The following CENPO variants were observed in gnomAD, a reference collection of about 807,000 sequenced individuals.
CENPO encodes the protein centromeric protein O.
A neutral mutation model predicts 36.1 loss-of-function variants in CENPO; 30 were observed. The observed-to-expected ratio is 0.83, with a 90% CI of 0.62 to 1.13. The LOEUF (loss-of-function observed/expected upper bound fraction) is 1.13. Among genes scored for constraint, CENPO ranks in the 50% most tolerant of loss-of-function variants. CENPO has a pLI of 0.00. For synonymous variants in CENPO, 171 were observed against 142.3 expected, an observed-to-expected ratio of 1.20 and a Z score of -1.44; for missense variants, 349 against 357.8, an observed-to-expected ratio of 0.98 and a Z score of 0.20.
intron 2 of CENPO, among the ~76,000 whole-genome samples, chr2:24,796,963 GAGAGATCC>G (rs1665935831): frequency 6.6e-6 from 1 of 152,202 alleles, no homozygotes. Flanking sequence ...ATGAGGGTAA[GAGAGATCC>G]AGAGGCCAGT....
Position 24,820,319 on chromosome 2 carries a change from C to T in CENPO, c.*1001C>T, listed in dbSNP as rs1054228242. 1 of 1,304,728 alleles carries T rather than the reference C, an allele frequency of 7.7e-7. No individual in the cohort carries two copies. The highest frequency in any genetic ancestry group is 3.0e-5 in the East Asian group (1 of 33,564). 80.8% of individuals were successfully genotyped at this position (1,304,728 alleles called of 1,614,324 possible). On this transcript the variant is annotated 3_prime_UTR_variant, in exon 8 of 8. Transcript: ENST00000380834. The stretch of plus-strand genomic sequence containing the variant: ...GAACCCTGGAGTGACTGGCTGGGGG[C>T]CTCCTCTCATCCAGAGACTTCTCTC...
intron 3 of CENPO, among the ~76,000 whole-genome samples, chr2:24,802,435 G>T (rs1378421680): frequency 2.6e-5 from 4 of 152,116 alleles, no homozygotes; most frequent in Admixed American, 2.6e-4. Context: ...TCCAGTTTTT[G>T]CCCATTCAGT....
At chr2:24,813,334 C>G (rs1005482954) in intron 3 of CENPO, among the ~76,000 whole-genome samples, 1 of 152,140 alleles carries the variant, frequency 6.6e-6, no homozygotes, top group Admixed American at 6.5e-5. Context: ...GCAAGTAGAT[C>G]GTGTATGGGC....
At chr2:24,817,391 T>G (rs1299093882) in intron 6 of CENPO, among the ~76,000 whole-genome samples, 1 of 150,680 alleles carries the variant, frequency 6.6e-6, no homozygotes, top group Non-Finnish European at 1.5e-5. Context: ...GGTCTTTGAT[T>G]TCTCTGCGCA....
At position 24,793,743 on chromosome 2, in the gene CENPO, A is replaced by T. The variant is rs961834838; in HGVS notation, c.-68-109A>T. Reference sequence around the variant, plus strand: ...CAGGAAAGGGGATCCTAGCCGTGACATTTGTGTCATCCGCGGCCCAGGGGT... The same window carrying T: ...CAGGAAAGGGGATCCTAGCCGTGACTTTTGTGTCATCCGCGGCCCAGGGGT... On this transcript the variant is annotated intron_variant, in intron 1 of 7. Transcript: ENST00000380834. The T allele has an allele frequency of 5.0e-6, 5 of 1,002,850 alleles. No homozygotes were observed. The African/African-American group carries it at 7.9e-5, about 16-fold the overall frequency. The allele number at this position is 1,002,850 out of a possible 1,614,324, so 62.1% of individuals were successfully genotyped here. A position where few individuals can be genotyped will look rare whatever the true frequency, so the allele number is the denominator to read the frequency against.
chr2:24,799,710 G>A lies in CENPO; in HGVS notation c.82G>A (p.Val28Met), dbSNP rs574176915. Residue 28 changes from valine to methionine, a missense_variant, in exon 3 of 8, where the codon GTG becomes ATG. Coordinates refer to ENST00000380834, the MANE Select transcript of CENPO (RefSeq NM_001322101.2). Reference sequence around the variant, plus strand: ...TCACTTGGAAAGGCTAGAGACCCAAGTGAGCAGATCCCGTAAACAGTCTGA... The same window carrying A: ...TCACTTGGAAAGGCTAGAGACCCAAATGAGCAGATCCCGTAAACAGTCTGA... The part of the protein sequence containing the change: ...LAHLERLETQ[V>M]SRSRKQSEEL... The A allele has an allele frequency of 2.5e-6, 4 of 1,614,022 alleles. No individual in the cohort carries two copies. The highest frequency in any genetic ancestry group is 3.3e-5 in the Admixed American group (2 of 60,012).
rs768401168 is a variant in CENPO at position 24,816,784 on chromosome 2, A to G, written c.733A>G (p.Thr245Ala). 2.5e-6 allele frequency: 4 copies of G among 1,602,278 alleles called. No individual in the cohort carries two copies. The highest frequency in any genetic ancestry group is 1.3e-5 in the African/African-American group (1 of 74,116). Residue 245 changes from threonine to alanine, a missense_variant, in exon 6 of 8, where the codon ACT (threonine) becomes GCT (alanine). Thr to Ala is a moderately conservative substitution (Grantham distance 58, BLOSUM62 0). Coordinates refer to ENST00000380834, the MANE Select transcript of CENPO (RefSeq NM_001322101.2). ...ARLLYKDLTATLPTDVTVTCQ... is the reference protein window; with the variant it reads ...ARLLYKDLTAALPTDVTVTCQ... ...ATTGCTGTATAAGGACCTCACAGCA[A>G]CTCTTCCCACTGACGTCACCGTGAC... is the stretch of plus-strand genomic sequence containing the variant.
intron 3 of CENPO, among the ~76,000 whole-genome samples, chr2:24,800,618 T>A (rs1298922863): frequency 6.6e-6 from 1 of 152,060 alleles, no homozygotes; most frequent in Non-Finnish European, 1.5e-5. Context: ...AGAATGATGG[T>A]TTCCAGCTTC....
rs1558387162 is a variant in CENPO, at chr2:24,819,566, G to A, written c.*248G>A. 2 of 169,540 alleles carry A rather than the reference G, an allele frequency of 1.2e-5. No homozygotes were observed. Among genetic ancestry groups the A allele is most frequent in the East Asian group, 3.3e-4 (2 of 6,088 alleles). 10.5% of individuals were successfully genotyped at this position (169,540 alleles called of 1,614,324 possible). ...GCCCTGTCTGAAGTGGAGCTTCCCC[G>A]CCTGTGCTCCCTCCACAGTCCCGGA... is the stretch of plus-strand genomic sequence containing the variant. On this transcript the variant is annotated 3_prime_UTR_variant, in exon 8 of 8. Transcript: ENST00000380834.
chr2:24,799,639 C>G, intron 2 of CENPO, 36 bp from the exon 3 acceptor site: 1 of 1,543,368 alleles, frequency 6.5e-7, no homozygotes, highest in Non-Finnish European at 8.8e-7. Flanking sequence ...GAGAAATCCT[C>G]AGCTTCTTGT....
chr2:24,799,737 G>A lies in CENPO; in HGVS notation c.109G>A (p.Glu37Lys), dbSNP rs1666078713. ...GAGCAGATCCCGTAAACAGTCTGAA[G>A]AGCTGCAGAGCGTGCAGGCCCAGGA... is the stretch of plus-strand genomic sequence containing the variant. The part of the protein sequence containing the change: ...QVSRSRKQSE[E>K]LQSVQAQEGA... The change falls in exon 3 of 8, where the codon GAG becomes AAG. Residue 37 changes from glutamate to lysine, a missense_variant. Coordinates refer to ENST00000380834, the MANE Select transcript of CENPO (RefSeq NM_001322101.2). 2 of 1,614,112 alleles carry A rather than the reference G, an allele frequency of 1.2e-6. No homozygotes were observed. Among genetic ancestry groups the A allele is most frequent in the Admixed American group, 1.7e-5 (1 of 60,024 alleles).
chr2:24,820,061 C>A lies in CENPO; in HGVS notation c.*743C>A. 1.3e-6 allele frequency: 2 copies of A among 1,594,104 alleles called. No homozygotes were observed. The highest frequency in any genetic ancestry group is 1.7e-6 in the Non-Finnish European group (2 of 1,170,590). ...TCCCCTTCACAAAGATGGGGCCTCGCCTCACAAAGCGGAAGCCGTACTCTC... is the reference window on the plus strand; with the variant it reads ...TCCCCTTCACAAAGATGGGGCCTCGACTCACAAAGCGGAAGCCGTACTCTC... On this transcript the variant is annotated 3_prime_UTR_variant, in exon 8 of 8. Coordinates refer to ENST00000380834, the MANE Select transcript of CENPO (RefSeq NM_001322101.2).
chr2:24,794,160 C>G (rs1348593929), intron 2 of CENPO, among the ~76,000 whole-genome samples, 195 bp downstream of exon 2: 1 of 152,180 alleles, frequency 6.6e-6, no homozygotes, highest in Non-Finnish European at 1.5e-5. Context: ...TTTCTAGGCT[C>G]CCACCCCTTT....
intron 3 of CENPO, among the ~76,000 whole-genome samples, chr2:24,809,686 A>G (rs1367268793): frequency 2.0e-5 from 3 of 151,828 alleles, no homozygotes; most frequent in African/African-American, 4.8e-5. Context: ...AAGTGTACCA[A>G]TTAATTTCCA....
chr2:24,806,865 C>T (rs17046559), intron 3 of CENPO, among the ~76,000 whole-genome samples: 4,945 of 152,244 alleles, frequency 0.032, 237 homozygotes, highest in African/African-American at 0.11. Context: ...CAAGACCTAT[C>T]AGATTTTTCT....
intron 2 of CENPO, among the ~76,000 whole-genome samples, chr2:24,795,919 A>C (rs1665879155): frequency 6.6e-6 from 1 of 152,216 alleles, no homozygotes; most frequent in Non-Finnish European, 1.5e-5. Context: ...ATCACGTGCT[A>C]ATTATTAGGA....
At chr2:24,817,461 C>G (rs1282652010) in intron 6 of CENPO, among the ~76,000 whole-genome samples, 1 of 17,232 alleles carries the variant, frequency 5.8e-5, no homozygotes, top group Non-Finnish European at 1.9e-4. Flanking sequence ...AGCCTTAGTC[C>G]AGACCAAAAA....
Position 24,819,893 on chromosome 2 carries a change from T to C in CENPO, c.*575T>C. 1 of 1,595,130 alleles carries C rather than the reference T, an allele frequency of 6.3e-7. No homozygotes were observed. Among genetic ancestry groups the C allele is most frequent in the Non-Finnish European group, 8.5e-7 (1 of 1,170,102 alleles). On this transcript the variant is annotated 3_prime_UTR_variant, in exon 8 of 8. Coordinates refer to ENST00000380834, the MANE Select transcript of CENPO (RefSeq NM_001322101.2). ...CTTCCTTCAGTTTCAAAAAATAAAT[T>C]CTCCCTTCCGGTTTGGACTGTTGCA... is the stretch of plus-strand genomic sequence containing the variant.
At position 24,820,048 on chromosome 2, in the gene CENPO, A is replaced by G. The variant is rs1010834758; in HGVS notation, c.*730A>G. ...AGCAGCTCCCCCTTCCCCTTCACAAAGATGGGGCCTCGCCTCACAAAGCGG... is the reference window on the plus strand; with the variant it reads ...AGCAGCTCCCCCTTCCCCTTCACAAGGATGGGGCCTCGCCTCACAAAGCGG... On this transcript the variant is annotated 3_prime_UTR_variant, in exon 8 of 8. Transcript: ENST00000380834. The G allele has an allele frequency of 6.2e-7, 1 of 1,604,298 alleles. No individual in the cohort carries two copies. Among genetic ancestry groups the G allele is most frequent in the African/African-American group, 1.3e-5 (1 of 74,116 alleles).
Sources: gnomAD v4.1 joint callset for allele counts (sites outside exome capture counted in the v4.1 genomes callset) on GRCh38, gnomAD v4.1.1 for gene constraint, MANE v1.5 for transcripts, NCBI Gene and HGNC (gene_info 2026-07-23, HGNC 2026-07-21) for gene names.